P3H2: variants seen among roughly 807,000 people sequenced by gnomAD.
P3H2 encodes the protein leprecan-like 1.
P3H2 carries 80 observed loss-of-function variants against 87.0 expected under a neutral mutation model. The observed-to-expected ratio is 0.92, with a 90% confidence interval of 0.77 to 1.11. P3H2 has a LOEUF of 1.11. Among genes scored for constraint, P3H2 ranks in the 50% least tolerant of loss-of-function variants. The pLI is 0.00. For synonymous variants in P3H2, 367 were observed against 359.3 expected, an observed-to-expected ratio of 1.02 and a Z score of -0.24; for missense variants, 1,001 against 923.9, an observed-to-expected ratio of 1.08 and a Z score of -1.08.
At chr3:190,049,730 A>C (rs1009251210) in intron 1 of P3H2, among the ~76,000 whole-genome samples, 11 of 152,184 alleles carry the variant, frequency 7.2e-5, no homozygotes, top group African/African-American at 2.2e-4. Flanking sequence ...TATGTGTGTG[A>C]ATTTATAAAA....
chr3:190,006,573 A>T (rs934790709), intron 1 of P3H2, among the ~76,000 whole-genome samples: 2 of 152,210 alleles, frequency 1.3e-5, no homozygotes, highest in Non-Finnish European at 2.9e-5. Context: ...AAGAAGACAT[A>T]CACAGACTAT....
At chr3:189,963,663 C>T (rs868829194) in intron 14 of P3H2, 40 of 370,758 alleles carry the variant, frequency 1.1e-4, no homozygotes, top group Admixed American at 6.7e-4. Flanking sequence ...AGGCTGGTCT[C>T]GAACTCCCGA....
At chr3:190,009,145 T>C (rs1305299285) in intron 1 of P3H2, among the ~76,000 whole-genome samples, 2 of 152,130 alleles carry the variant, frequency 1.3e-5, no homozygotes, top group African/African-American at 4.8e-5. Context: ...GAGTTAGTTT[T>C]CTAGGAGTAC....
At chr3:190,036,790 T>C (rs1405929387) in intron 1 of P3H2, among the ~76,000 whole-genome samples, 1 of 152,174 alleles carries the variant, frequency 6.6e-6, no homozygotes, top group African/African-American at 2.4e-5. Context: ...CCTTGAGCGA[T>C]GATCCCTTCT....
At chr3:190,119,458 A>C (rs1712444957) in intron 1 of P3H2, among the ~76,000 whole-genome samples, 1 of 152,208 alleles carries the variant, frequency 6.6e-6, no homozygotes, top group South Asian at 2.1e-4. Flanking sequence ...GAGATCTTCA[A>C]AGTTATGGAT....
chr3:190,071,549 G>A (rs1280456953), intron 1 of P3H2, among the ~76,000 whole-genome samples: 2 of 152,162 alleles, frequency 1.3e-5, no homozygotes, highest in African/African-American at 4.8e-5. Flanking sequence ...TCATTCCAAT[G>A]AAGAATGTAA....
intron 1 of P3H2, among the ~76,000 whole-genome samples, chr3:190,079,595 C>T (rs1176365661): frequency 6.6e-6 from 1 of 152,056 alleles, no homozygotes; most frequent in Non-Finnish European, 1.5e-5. Context: ...AATTGAAAGT[C>T]CACTAATGTC....
intron 1 of P3H2, among the ~76,000 whole-genome samples, chr3:190,117,825 G>A (rs998293904): frequency 1.3e-5 from 2 of 151,950 alleles, no homozygotes; most frequent in East Asian, 1.9e-4. Flanking sequence ...TTTCAAAAAC[G>A]AATTTCCAAA....
At chr3:190,120,942 TCA>T, upstream of P3H2, 2 of 647,758 alleles carry the variant, frequency 3.1e-6, no homozygotes, top group Non-Finnish European at 4.8e-6. Context: ...CGCCCACAGC[TCA>T]CACGCTCCTC....
intron 13 of P3H2, chr3:189,969,894 G>A (rs1316023436): frequency 2.0e-6 from 2 of 986,748 alleles, no homozygotes; most frequent in East Asian, 4.8e-5. Flanking sequence ...CAGTGGGCGA[G>A]CACTCGGGAC....
intron 1 of P3H2, among the ~76,000 whole-genome samples, chr3:190,082,642 A>G (rs1446273162): frequency 6.6e-6 from 1 of 152,170 alleles, no homozygotes; most frequent in African/African-American, 2.4e-5. Flanking sequence ...CTACCATACT[A>G]TTGAATACTG....
intron 1 of P3H2, among the ~76,000 whole-genome samples, chr3:190,110,778 C>G (rs1461103615): frequency 1.3e-5 from 2 of 152,194 alleles, no homozygotes; most frequent in Non-Finnish European, 2.9e-5. Flanking sequence ...ATTTAGCATT[C>G]AAGCAAGAAG....
chr3:190,073,074 G>A (rs533574793), intron 1 of P3H2, among the ~76,000 whole-genome samples: 9 of 152,186 alleles, frequency 5.9e-5, no homozygotes, highest in Non-Finnish European at 1.3e-4. Flanking sequence ...AGAGGTAATA[G>A]AAACAGTAGT....
chr3:190,120,148 C>G, intron 1 of P3H2, 104 bp downstream of exon 1: 1 of 1,353,280 alleles, frequency 7.4e-7, no homozygotes, highest in Non-Finnish European at 1.0e-6. Context: ...TTAAGGAGAC[C>G]CAATTCGAAA....
chr3:189,995,871 T>C (rs564897273), intron 1 of P3H2, among the ~76,000 whole-genome samples: 14 of 152,288 alleles, frequency 9.2e-5, no homozygotes, highest in African/African-American at 3.1e-4. Context: ...TCCACATCAC[T>C]AATCACCAGG....
chr3:190,028,670 G>A (rs1344020402), intron 1 of P3H2, among the ~76,000 whole-genome samples: 2 of 115,094 alleles, frequency 1.7e-5, no homozygotes, highest in African/African-American at 6.9e-5. Context: ...GTGCTTCTTA[G>A]ATGGAGACAC....
rs145198929 is a variant in P3H2 at position 190,031,905 on chromosome 3, C to T, written c.481-36463G>A. 3.8e-3 allele frequency among the ~76,000 whole-genome samples: 573 copies of T among 152,244 alleles called. 5 individuals are homozygous for T. The highest frequency in any genetic ancestry group is 0.013 in the African/African-American group (543 of 41,540). On this transcript the variant is annotated intron_variant, in intron 1 of 14. Coordinates refer to ENST00000319332, the MANE Select transcript of P3H2 (RefSeq NM_018192.4). ...AGAAACTGGCACAGTGTAGAGGAGA[C>T]TAAAAAGACAACAATTAAGGGCAAT...
intron 1 of P3H2, among the ~76,000 whole-genome samples, chr3:190,015,119 A>C (rs1430538256): frequency 6.6e-6 from 1 of 152,106 alleles, no homozygotes; most frequent in East Asian, 1.9e-4. Flanking sequence ...GGCTCAAGTG[A>C]TCTCACCTCA....
chr3:190,087,284 C>T (rs1727247434), intron 1 of P3H2, among the ~76,000 whole-genome samples: 2 of 152,100 alleles, frequency 1.3e-5, no homozygotes, highest in South Asian at 4.1e-4. Flanking sequence ...CGCCTGTAAT[C>T]CCAGCACTTT....
Sources: gnomAD v4.1 joint callset for allele counts (sites outside exome capture counted in the v4.1 genomes callset) on GRCh38, gnomAD v4.1.1 for gene constraint, MANE v1.5 for transcripts, NCBI Gene and HGNC (gene_info 2026-07-23, HGNC 2026-07-21) for gene names.